PSMD1: variants seen among roughly 807,000 people sequenced by gnomAD.
PSMD1 encodes the protein proteasome 26S subunit, non-ATPase 1.
Under a neutral mutation model 119.0 loss-of-function variants are expected in PSMD1, and 18 were observed. The ratio of observed to expected loss-of-function variants is 0.15; its 90% CI spans 0.10 to 0.22. PSMD1 has a LOEUF of 0.22. Ranked by LOEUF, PSMD1 falls within the 10% of genes least tolerant of loss-of-function variation. PSMD1 has a pLI of 1.00. For missense variants in PSMD1, 702 were observed against 1,158.5 expected, an observed-to-expected ratio of 0.61 and a Z score of 5.72; for synonymous variants, 374 against 396.6, an observed-to-expected ratio of 0.94 and a Z score of 0.68.
intron 16 of PSMD1, chr2:231,124,079 T>A (rs1372488192): frequency 3.4e-6 from 1 of 293,126 alleles, no homozygotes; most frequent in Admixed American, 4.6e-5. Context: ...CTCTCTCTTT[T>A]TCTGCCGTAG....
intron 16 of PSMD1, among the ~76,000 whole-genome samples, chr2:231,121,767 C>G (rs1284606293): frequency 6.6e-6 from 1 of 152,132 alleles, no homozygotes; most frequent in East Asian, 1.9e-4. Flanking sequence ...TATTTATGGA[C>G]TCAAAGATTT....
chr2:231,083,093 G>T, intron 13 of PSMD1, 99 bp downstream of exon 13: 1 of 908,304 alleles, frequency 1.1e-6, no homozygotes, highest in Non-Finnish European at 1.6e-6. Flanking sequence ...TTAAAATTCC[G>T]ATGGATTTCT....
chr2:231,105,543 T>C (rs192793426), intron 16 of PSMD1, among the ~76,000 whole-genome samples: 41 of 152,180 alleles, frequency 2.7e-4, no homozygotes, highest in Admixed American at 5.2e-4. Context: ...TAATCTGATA[T>C]GGACATTTCT....
chr2:231,112,070 T>G (rs1311259175), intron 16 of PSMD1, among the ~76,000 whole-genome samples: 1 of 152,202 alleles, frequency 6.6e-6, no homozygotes, highest in Non-Finnish European at 1.5e-5. Context: ...TTTCACAGTT[T>G]CAAATATTTT....
At chr2:231,068,632 C>T (rs1049169314) in intron 5 of PSMD1, among the ~76,000 whole-genome samples, 4 of 152,310 alleles carry the variant, frequency 2.6e-5, no homozygotes, top group East Asian at 3.9e-4. Flanking sequence ...CATCTCTTTC[C>T]ATCCCGCATG....
intron 19 of PSMD1, among the ~76,000 whole-genome samples, chr2:231,160,629 A>G (rs1358714678): frequency 2.6e-5 from 4 of 152,240 alleles, no homozygotes; most frequent in Non-Finnish European, 5.9e-5. Flanking sequence ...TGCAAAAAGT[A>G]TATACTAAAA....
chr2:231,058,286 C>T (rs1693661743), intron 1 of PSMD1, among the ~76,000 whole-genome samples: 1 of 152,200 alleles, frequency 6.6e-6, no homozygotes, highest in Admixed American at 6.5e-5. Flanking sequence ...AAACCACCTT[C>T]ATCTCTTGTC....
At chr2:231,154,107 C>A (rs1445577578) in intron 19 of PSMD1, among the ~76,000 whole-genome samples, 1 of 150,522 alleles carries the variant, frequency 6.6e-6, no homozygotes, top group African/African-American at 2.5e-5. Context: ...GAGCAAAACT[C>A]GGTCTCCAAA....
chr2:231,064,354 T>A (rs1051598667), intron 4 of PSMD1, among the ~76,000 whole-genome samples: 1 of 152,222 alleles, frequency 6.6e-6, no homozygotes, highest in African/African-American at 2.4e-5. Flanking sequence ...GACAAGGCTT[T>A]AGCAGGAAAT....
rs559470856 is a variant in PSMD1 at position 231,095,030 on chromosome 2, G to A, written c.1883+7849G>A. ...CCATTCCAGGAAGCGTAGCCCTGGGGCCATTTGTCCTATTAACCCTGTCGG... is the reference window on the plus strand; with the variant it reads ...CCATTCCAGGAAGCGTAGCCCTGGGACCATTTGTCCTATTAACCCTGTCGG... On this transcript the variant is annotated intron_variant, in intron 16 of 24. Coordinates refer to ENST00000308696, the MANE Select transcript of PSMD1 (RefSeq NM_002807.4). 1.1e-4 allele frequency among the ~76,000 whole-genome samples: 17 copies of A among 152,284 alleles called. No individual in the cohort carries two copies. In the South Asian group the frequency reaches 3.5e-3, roughly 32 times the overall value.
At chr2:231,080,412 GC>G in intron 12 of PSMD1, 98 bp downstream of exon 12, 8 of 1,048,404 alleles carry the variant, frequency 7.6e-6, no homozygotes, top group Non-Finnish European at 1.0e-5. Context: ...TGTAGAATTT[GC>G]GAATACCCAA....
At chr2:231,160,004 C>T (rs148395099) in intron 19 of PSMD1, among the ~76,000 whole-genome samples, 144 of 152,314 alleles carry the variant, frequency 9.5e-4, no homozygotes, top group African/African-American at 2.0e-3. Flanking sequence ...ACTTGCCCTC[C>T]GCTCACCTCC....
Position 231,165,887 on chromosome 2 carries a change from A to G in PSMD1, c.2585A>G (p.Lys862Arg), listed in dbSNP as rs760877406. ...EKMEVDEAEK[K>R]EEKEKKKEPE... ...ATTTTATAGGATGAGGCAGAGAAAA[A>G]GGAGGAAAAAGAGAAGAAAAAAGAA... The change falls in exon 23 of 25, where the codon AAG (lysine) becomes AGG (arginine). Residue 862 changes from lysine (K) to arginine (R), a missense_variant. By Grantham distance (26) the Lys-to-Arg change is conservative. Transcript: ENST00000308696. The G allele has an allele frequency of 6.8e-6, 11 of 1,611,126 alleles. No individual in the cohort carries two copies. The East Asian group carries it at 2.0e-4, about 29-fold the overall frequency.
intron 1 of PSMD1, 141 bp from the exon 2 acceptor site, chr2:231,061,126 T>A (rs1693746883): frequency 5.1e-6 from 3 of 584,258 alleles, no homozygotes; most frequent in Non-Finnish European, 9.1e-6. Context: ...CTTTACACTT[T>A]CAAAGAAAAA....
At chr2:231,070,775 T>G (rs911805019) in intron 6 of PSMD1, among the ~76,000 whole-genome samples, 1 of 152,098 alleles carries the variant, frequency 6.6e-6, no homozygotes, top group African/African-American at 2.4e-5. Context: ...AATGACTGTA[T>G]TGTATTTTAT....
rs756561783 is a variant in PSMD1 at position 231,085,043 on chromosome 2, A to G, written c.1747A>G (p.Met583Val). 4 of 1,613,828 alleles carry G rather than the reference A, an allele frequency of 2.5e-6. No homozygotes were observed. The highest frequency in any genetic ancestry group is 2.2e-5 in the South Asian group (2 of 91,090). Residue 583 changes from methionine to valine, a missense_variant, in exon 15 of 25, where the codon ATG becomes GTG. Physicochemically the swap from Met to Val is conservative, Grantham distance 21. Around this residue, in one of 9 missense-constraint regions of PSMD1, gnomAD observed 272 missense variants for 511.6 expected, o/e 0.53. Transcript: ENST00000308696. Reference protein sequence around the residue: ...DKDPILRRSGMYTVAMAYCGS... With the variant: ...DKDPILRRSGVYTVAMAYCGS... ...GGACCCAATTCTTCGAAGGTCTGGA[A>G]TGTATACTGTAGCCATGGCTTATTG...
chr2:231,076,092 A>G (rs1694156624), intron 8 of PSMD1, among the ~76,000 whole-genome samples: 1 of 152,250 alleles, frequency 6.6e-6, no homozygotes, highest in African/African-American at 2.4e-5. Context: ...TTTAGAAGAA[A>G]TCAAATCCTT....
intron 19 of PSMD1, among the ~76,000 whole-genome samples, chr2:231,157,785 G>A (rs529592671): frequency 3.7e-4 from 56 of 151,596 alleles, no homozygotes; most frequent in Non-Finnish European, 6.5e-4. Flanking sequence ...TAGGCTGGTC[G>A]CAAACTCCTA....
chr2:231,142,780 G>T (rs983256565), intron 17 of PSMD1, among the ~76,000 whole-genome samples: 3 of 152,064 alleles, frequency 2.0e-5, no homozygotes, highest in Non-Finnish European at 4.4e-5. Context: ...ACTTCATAAA[G>T]AATATTGACA....
Sources: allele counts gnomAD v4.1 joint callset (sites outside exome capture counted in the v4.1 genomes callset), GRCh38; gene constraint gnomAD v4.1.1; regional missense constraint gnomAD v4.1.1; transcripts MANE v1.5; gene names NCBI Gene and HGNC (gene_info 2026-07-23, HGNC 2026-07-21).